The following GABBR2 variants were observed in gnomAD, a reference collection of about 807,000 sequenced individuals.
The protein encoded by GABBR2 is G-protein coupled receptor 51.
GABBR2 carries 23 observed loss-of-function variants against 105.6 expected under a neutral mutation model. The ratio of observed to expected loss-of-function variants is 0.22; its 90% confidence interval spans 0.16 to 0.31. GABBR2 has a LOEUF of 0.31. GABBR2 is among the 10% of genes least tolerant of loss of function. The pLI, the probability that GABBR2 is intolerant of heterozygous loss-of-function variation, is 1.00. For missense variants in GABBR2, 734 were observed against 1,245.5 expected (o/e 0.59, Z 6.18); for synonymous variants, 478 against 499.7 (o/e 0.96, Z 0.58).
At chr9:98,590,542 T>A (rs1829132329) in intron 1 of GABBR2, among the ~76,000 whole-genome samples, 1 of 152,240 alleles carries the variant, frequency 6.6e-6, no homozygotes, top group South Asian at 2.1e-4. Flanking sequence ...GTGACATTTT[T>A]AAAAGTCAGG....
rs145173866 is a variant in GABBR2, at chr9:98,573,361, C to T, written c.459+4574G>A. 1.1e-4 allele frequency among the ~76,000 whole-genome samples: 17 copies of T among 152,340 alleles called. 1 individual carries two copies. The highest frequency in any genetic ancestry group is 2.6e-4 in the Admixed American group (4 of 15,310). ...GCAGTGGCATGATCATAGCTCACTA[C>T]AGCCTTGAATTCCTAGGCTTGAGCA... On this transcript the variant is annotated intron_variant, in intron 2 of 18. Transcript: ENST00000259455.
At chr9:98,534,807 GAC>G (rs1356365757) in intron 3 of GABBR2, among the ~76,000 whole-genome samples, 1 of 152,210 alleles carries the variant, frequency 6.6e-6, no homozygotes, top group African/African-American at 2.4e-5. Context: ...CACTTTGGAA[GAC>G]AGTTTGGCGT....
intron 6 of GABBR2, among the ~76,000 whole-genome samples, chr9:98,466,807 T>C (rs1826568330): frequency 6.6e-6 from 1 of 152,174 alleles, no homozygotes; most frequent in Non-Finnish European, 1.5e-5. Context: ...ATGAGATAGG[T>C]TATTTCTTTC....
intron 1 of GABBR2, among the ~76,000 whole-genome samples, chr9:98,600,534 G>A (rs1441310061): frequency 6.6e-6 from 1 of 152,250 alleles, no homozygotes; most frequent in Admixed American, 6.5e-5. Flanking sequence ...TTCTGACTCT[G>A]AGAAACCTGC....
chr9:98,372,116 A>G (rs963308481), intron 11 of GABBR2, among the ~76,000 whole-genome samples: 3 of 152,132 alleles, frequency 2.0e-5, no homozygotes, highest in African/African-American at 7.2e-5. Flanking sequence ...CCCCAGGACC[A>G]AGGTGTGCCC....
At chr9:98,377,003 AC>A (rs1402426383) in intron 11 of GABBR2, among the ~76,000 whole-genome samples, 7 of 152,212 alleles carry the variant, frequency 4.6e-5, no homozygotes, top group Admixed American at 4.6e-4. Flanking sequence ...TGGCTCAAAG[AC>A]CCGATCACAG....
At chr9:98,635,644 C>T (rs2131831959) in intron 1 of GABBR2, among the ~76,000 whole-genome samples, 1 of 152,190 alleles carries the variant, frequency 6.6e-6, no homozygotes, top group African/African-American at 2.4e-5. Context: ...TAGGTTGGGT[C>T]TTTAAGTCAG....
At position 98,703,094 on chromosome 9, in the gene GABBR2, G is replaced by A. The variant is rs147192321; in HGVS notation, c.321+5323C>T. Among the ~76,000 whole-genome samples the A allele has an allele frequency of 2.0e-4, 30 of 152,280 alleles. No individual in the cohort carries two copies. In the East Asian group the frequency reaches 4.4e-3, roughly 23 times the overall value. ...AATGAGATATAAACTTGAGACTTTCGCTGAAACAGTTGGGAAAGAAACACT... is the reference window on the plus strand; with the variant it reads ...AATGAGATATAAACTTGAGACTTTCACTGAAACAGTTGGGAAAGAAACACT... On this transcript the variant is annotated intron_variant, in intron 1 of 18. Coordinates refer to ENST00000259455, the MANE Select transcript of GABBR2 (RefSeq NM_005458.8).
At position 98,563,068 on chromosome 9, in the gene GABBR2, C is replaced by CA. The variant is rs56185925; in HGVS notation, c.459+14866dup. ...CTGGGTGACAGAGCGAGACCCTGTCCAAAAAAAAAAAAAAAAAAAAAAAAA... is the reference window on the plus strand; with the variant it reads ...CTGGGTGACAGAGCGAGACCCTGTCCAAAAAAAAAAAAAAAAAAAAAAAAAA... On this transcript the variant is annotated intron_variant, in intron 2 of 18. Coordinates refer to ENST00000259455, the MANE Select transcript of GABBR2 (RefSeq NM_005458.8). Among the ~76,000 whole-genome samples, 36 of 63,024 alleles carry CA rather than the reference C, an allele frequency of 5.7e-4. 2 individuals are homozygous for CA. The highest frequency in any genetic ancestry group is 1.6e-3 in the African/African-American group (26 of 15,834). 41.3% of individuals were successfully genotyped at this position (63,024 alleles called of 152,430 possible). A position where few individuals can be genotyped will look rare whatever the true frequency, so the allele number is the denominator to read the frequency against.
intron 1 of GABBR2, among the ~76,000 whole-genome samples, chr9:98,661,062 C>T (rs140704288): frequency 1.8e-3 from 275 of 152,238 alleles, no homozygotes; most frequent in Non-Finnish European, 2.8e-3. Context: ...TGCGCCATTA[C>T]ACCCAGATAA....
At chr9:98,564,042 G>A (rs925748044) in intron 2 of GABBR2, among the ~76,000 whole-genome samples, 2 of 142,942 alleles carry the variant, frequency 1.4e-5, no homozygotes, top group African/African-American at 5.0e-5. Flanking sequence ...TTATACACAA[G>A]TTACTGAATG....
At chr9:98,670,043 G>A (rs995724703) in intron 1 of GABBR2, among the ~76,000 whole-genome samples, 2 of 152,164 alleles carry the variant, frequency 1.3e-5, no homozygotes, top group African/African-American at 4.8e-5. Context: ...CTCCAGCTGA[G>A]ATGGGACTAG....
intron 13 of GABBR2, among the ~76,000 whole-genome samples, chr9:98,345,180 T>C (rs1489924145): frequency 6.6e-6 from 1 of 152,198 alleles, no homozygotes; most frequent in East Asian, 1.9e-4. Context: ...CTGGCTTAGG[T>C]CGCCATCAGC....
intron 1 of GABBR2, among the ~76,000 whole-genome samples, chr9:98,703,753 C>T (rs2131888990): frequency 6.6e-6 from 1 of 151,938 alleles, no homozygotes; most frequent in East Asian, 1.9e-4. Context: ...TCAGCACCCC[C>T]AAAATGCTGA....
chr9:98,472,685 A>G (rs2131629985), intron 6 of GABBR2, among the ~76,000 whole-genome samples: 1 of 152,346 alleles, frequency 6.6e-6, no homozygotes, highest in East Asian at 1.9e-4. Context: ...TCAAGGTCAC[A>G]CAGGTGGTAG....
intron 7 of GABBR2, among the ~76,000 whole-genome samples, chr9:98,423,921 T>C (rs1832828040): frequency 6.6e-6 from 1 of 152,228 alleles, no homozygotes; most frequent in African/African-American, 2.4e-5. Context: ...GTTGTAGATA[T>C]GCGGCGTTAT....
chr9:98,678,047 G>A (rs1830496981), intron 1 of GABBR2, among the ~76,000 whole-genome samples: 4 of 152,046 alleles, frequency 2.6e-5, no homozygotes. Context: ...AAGCTCTCTG[G>A]ACGGAACTCT....
At chr9:98,485,606 G>A (rs957096066) in intron 4 of GABBR2, among the ~76,000 whole-genome samples, 1 of 152,134 alleles carries the variant, frequency 6.6e-6, no homozygotes, top group Non-Finnish European at 1.5e-5. Context: ...CAGTTTGCAA[G>A]CAATCCTAAC....
chr9:98,490,372 G>C lies in GABBR2; in HGVS notation c.732+6041C>G, dbSNP rs756710206. On this transcript the variant is annotated intron_variant, in intron 4 of 18. Coordinates refer to ENST00000259455, the MANE Select transcript of GABBR2 (RefSeq NM_005458.8). ...AGTAGGGCATAGGGTTCCTGATGGT[G>C]GGGGCAGGGGGCTGTGGATAGAAGG... is the stretch of plus-strand genomic sequence containing the variant. Among the ~76,000 whole-genome samples the C allele has an allele frequency of 2.9e-4, 44 of 152,174 alleles. 2 individuals carry two copies. Among genetic ancestry groups the C allele is most frequent in the Non-Finnish European group, 1.3e-4 (9 of 68,038 alleles).
Sources: gnomAD v4.1 joint callset for allele counts (sites outside exome capture counted in the v4.1 genomes callset) on GRCh38, gnomAD v4.1.1 for gene constraint, MANE v1.5 for transcripts, NCBI Gene and HGNC (gene_info 2026-07-23, HGNC 2026-07-21) for gene names.